RASSF6: variants seen among roughly 807,000 people sequenced by gnomAD.
RASSF6 encodes Ras association domain family member 6.
In RASSF6, 52 loss-of-function variants were observed where a neutral mutation model predicts 44.0. The ratio of observed to expected loss-of-function variants is 1.18; its 90% CI spans 0.95 to 1.49. RASSF6 has a LOEUF of 1.49. Among genes scored for constraint, RASSF6 ranks in the 40% most tolerant of loss-of-function variants. RASSF6 has a pLI of 0.00. For synonymous variants in RASSF6, 162 were observed against 124.6 expected (o/e 1.30, Z -2.00); for missense variants, 464 against 393.3 (o/e 1.18, Z -1.52).
chr4:73,600,155 A>T (rs1725186151), intron 2 of RASSF6, among the ~76,000 whole-genome samples: 1 of 152,136 alleles, frequency 6.6e-6, no homozygotes, highest in Admixed American at 6.5e-5. Context: ...CCTGTCCCTG[A>T]GTCAACTTCT....
chr4:73,605,756 C>CT (rs1560457991), intron 2 of RASSF6, among the ~76,000 whole-genome samples: 1 of 152,106 alleles, frequency 6.6e-6, no homozygotes, highest in African/African-American at 2.4e-5. Context: ...GGATTTTTCC[C>CT]TTTTTTCTGC....
intron 8 of RASSF6, among the ~76,000 whole-genome samples, chr4:73,578,802 G>A (rs1560438047): frequency 6.6e-6 from 1 of 151,880 alleles, no homozygotes; most frequent in Admixed American, 6.6e-5. Context: ...AGTAAAGACG[G>A]GGTTTCACCA....
At chr4:73,576,546 C>T (rs751422184) in intron 9 of RASSF6, 39 bp from the exon 10 acceptor site, 2 of 1,549,956 alleles carry the variant, frequency 1.3e-6, no homozygotes, top group Non-Finnish European at 1.8e-6. Context: ...GAAAGCAGAA[C>T]AATTATGCAA....
intron 7 of RASSF6, 139 bp downstream of exon 7, chr4:73,582,050 C>A (rs1045256314): frequency 4.4e-5 from 29 of 655,350 alleles, no homozygotes; most frequent in Admixed American, 2.1e-4. Flanking sequence ...AGGTGTTATA[C>A]AAAGGAAAGA....
intron 2 of RASSF6, among the ~76,000 whole-genome samples, chr4:73,607,676 C>A: frequency 6.6e-6 from 1 of 152,178 alleles, no homozygotes; most frequent in Non-Finnish European, 1.5e-5. Context: ...TTCAAAACAC[C>A]CTAGAACTCC....
intron 2 of RASSF6, 132 bp downstream of exon 2, chr4:73,611,599 T>G: frequency 2.0e-6 from 1 of 498,162 alleles, no homozygotes. Flanking sequence ...TTCCAACTTC[T>G]TATCTAGTAT....
In RASSF6 at chr4:73,576,525, GAA is replaced by G. The variant is rs577176139; in HGVS notation, c.841-20_841-19del. 3.7e-6 allele frequency: 5 copies of G among 1,367,104 alleles called. No individual in the cohort carries two copies. Among genetic ancestry groups the G allele is most frequent in the Non-Finnish European group, 3.0e-6 (3 of 1,005,396 alleles). 84.7% of individuals were successfully genotyped at this position (1,367,104 alleles called of 1,614,324 possible). A position where few individuals can be genotyped will look rare whatever the true frequency, so the allele number is the denominator to read the frequency against. ...TGAGCCACCTAAGAAAGAAGAAGAA[GAA>G]AAAAAAAAGAAAGCAGAACAATTAT... On this transcript the variant is annotated intron_variant, in intron 9 of 10. Coordinates refer to ENST00000307439, the MANE Select transcript of RASSF6 (RefSeq NM_177532.5).
At chr4:73,581,268 A>G (rs969735539) in intron 8 of RASSF6, among the ~76,000 whole-genome samples, 1 of 152,050 alleles carries the variant, frequency 6.6e-6, no homozygotes, top group Admixed American at 6.6e-5. Flanking sequence ...AGTTTTCTCT[A>G]TTCTCTCTAT....
intron 8 of RASSF6, among the ~76,000 whole-genome samples, chr4:73,577,978 C>A (rs1381429263): frequency 6.6e-6 from 1 of 152,066 alleles, no homozygotes; most frequent in African/African-American, 2.4e-5. Context: ...TAAAACCCAC[C>A]TATCTCTGTT....
chr4:73,587,992 G>T, intron 4 of RASSF6, 58 bp from the exon 5 acceptor site: 2 of 1,148,920 alleles, frequency 1.7e-6, no homozygotes, highest in South Asian at 1.3e-5. Context: ...AGCCTATGAT[G>T]GTTTCCAGAT....
chr4:73,612,603 A>C (rs1265380525), intron 1 of RASSF6, among the ~76,000 whole-genome samples: 3 of 151,158 alleles, frequency 2.0e-5, no homozygotes, highest in Non-Finnish European at 4.4e-5. Context: ...ATATGTCCTA[A>C]CTCTTCAGAG....
chr4:73,620,184 A>G lies in RASSF6; in HGVS notation c.-35+104T>C, dbSNP rs1213706931. 7 of 645,864 alleles carry G rather than the reference A, an allele frequency of 1.1e-5. No homozygotes were observed. In the East Asian group the frequency reaches 2.4e-4, roughly 22 times the overall value. The allele number at this position is 645,864 out of a possible 1,614,324, so 40.0% of individuals were successfully genotyped here. On this transcript the variant is annotated intron_variant, in intron 1 of 10. Coordinates refer to ENST00000307439, the MANE Select transcript of RASSF6 (RefSeq NM_177532.5). ...CGATTCAGGCTGCTATGACACACAC[A>G]CACTTAACTTTGTTGCCTATGGATT... is the stretch of plus-strand genomic sequence containing the variant.
Position 73,601,548 on chromosome 4 carries a change from A to C in RASSF6, c.66-2830T>G, listed in dbSNP as rs75518727. ...GAAGGATTTTGGAGTGTTGAAGATT[A>C]GAGCTCAGTAAACTAAAGTATTGGA... On this transcript the variant is annotated intron_variant, in intron 2 of 10. Coordinates refer to ENST00000307439, the MANE Select transcript of RASSF6 (RefSeq NM_177532.5). Among the ~76,000 whole-genome samples the C allele has an allele frequency of 0.011, 1,682 of 152,346 alleles. 90 individuals are homozygous for C. The East Asian group carries it at 0.12, about 11-fold the overall frequency.
In RASSF6 at chr4:73,606,167, G is replaced by A. The variant is rs543447219; in HGVS notation, c.65+5564C>T. On this transcript the variant is annotated intron_variant, in intron 2 of 10. Coordinates refer to ENST00000307439, the MANE Select transcript of RASSF6 (RefSeq NM_177532.5). ...TAGCAAAGACATGGAATCCACCCAG[G>A]TGCCCATCTGTGCTGGATTGGATAA... is the stretch of plus-strand genomic sequence containing the variant. 1.6e-4 allele frequency among the ~76,000 whole-genome samples: 25 copies of A among 152,274 alleles called. No homozygotes were observed. In the South Asian group the frequency reaches 4.8e-3, roughly 29 times the overall value.
Position 73,585,208 on chromosome 4 carries a change from G to A in RASSF6, c.539C>T (p.Ser180Phe), listed in dbSNP as rs569492337. 2 of 1,609,142 alleles carry A rather than the reference G, an allele frequency of 1.2e-6. No individual in the cohort carries two copies. Among genetic ancestry groups the A allele is most frequent in the South Asian group, 2.2e-5 (2 of 90,088 alleles). ...ATGGTTATAGAAGTGTCCATTAATA[G>A]AGGCTCTATTTTTCTGTCTTTCTTT... The part of the protein sequence containing the change: ...DRKERQKNRA[S>F]INGHFYNHET... Residue 180 changes from serine to phenylalanine, a missense_variant, in exon 6 of 11, where the codon TCT becomes TTT. By Grantham distance (155) the Ser-to-Phe change is radical. Transcript: ENST00000307439.
chr4:73,592,923 G>A (rs1259765655), intron 4 of RASSF6, among the ~76,000 whole-genome samples: 2 of 152,016 alleles, frequency 1.3e-5, no homozygotes, highest in Non-Finnish European at 2.9e-5. Flanking sequence ...GTAAGGCCCA[G>A]TCCAGTTCTG....
At position 73,619,131 on chromosome 4, in the gene RASSF6, A is replaced by G. The variant is rs189241028; in HGVS notation, c.-35+1157T>C. Among the ~76,000 whole-genome samples the G allele has an allele frequency of 1.5e-3, 234 of 152,348 alleles. 1 individual carries two copies. Among genetic ancestry groups the G allele is most frequent in the African/African-American group, 5.1e-3 (213 of 41,572 alleles). On this transcript the variant is annotated intron_variant, in intron 1 of 10. Transcript: ENST00000307439. ...GGTCTAAATTGATGAAAGTTATTCA[A>G]AAGCAGTCTCCTTTATAAAACCCAA...
At chr4:73,615,937 C>G (rs1726325023) in intron 1 of RASSF6, 2 of 1,549,988 alleles carry the variant, frequency 1.3e-6, no homozygotes, top group Non-Finnish European at 1.7e-6. Flanking sequence ...GAAGTGAATT[C>G]TAGTACAAAT....
chr4:73,607,097 A>C (rs554075863), intron 2 of RASSF6, among the ~76,000 whole-genome samples: 1 of 152,362 alleles, frequency 6.6e-6, no homozygotes, highest in African/African-American at 2.4e-5. Flanking sequence ...AATAATAAGC[A>C]AACTCCTTGC....
Sources: gnomAD v4.1 joint callset for allele counts (sites outside exome capture counted in the v4.1 genomes callset) on GRCh38, gnomAD v4.1.1 for gene constraint, MANE v1.5 for transcripts, NCBI Gene and HGNC (gene_info 2026-07-23, HGNC 2026-07-21) for gene names.